The following SP2 variants were observed in gnomAD, a reference collection of about 807,000 sequenced individuals.
The protein encoded by SP2 is transcription factor Sp2.
In SP2, 9 loss-of-function variants were observed where a neutral mutation model predicts 50.1. The observed-to-expected ratio is 0.18, with a 90% confidence interval of 0.11 to 0.31. The LOEUF (loss-of-function observed/expected upper bound fraction) is 0.31, where lower values mean the gene tolerates loss of function less well. Among genes scored for constraint, SP2 ranks in the 10% least tolerant of loss-of-function variants. The probability of loss-of-function intolerance (pLI) is 1.00; values close to 1 mark genes in which losing one functional copy is unlikely to be tolerated. For missense variants in SP2, 581 were observed against 806.5 expected (o/e 0.72, Z 3.39); for synonymous variants, 313 against 326.6 (o/e 0.96, Z 0.45).
intron 1 of SP2, among the ~76,000 whole-genome samples, chr17:47,913,264 C>T (rs945458630): frequency 6.6e-6 from 1 of 151,882 alleles, no homozygotes; most frequent in Non-Finnish European, 1.5e-5. Flanking sequence ...GTTGCCCAGG[C>T]AGGAGTGTTT....
rs989205031 is a variant in SP2 at position 47,923,947 on chromosome 17, G to A, written c.1372+673G>A. Among the ~76,000 whole-genome samples, 9 of 151,774 alleles carry A rather than the reference G, an allele frequency of 5.9e-5. No homozygotes were observed. The South Asian group carries it at 6.2e-4, about 11-fold the overall frequency. Reference sequence around the variant, plus strand: ...GAACTCCTGACCTGGTGATCCATCCGCCTCAGCCTCCCAAAATGCTGGGAT... The same window carrying A: ...GAACTCCTGACCTGGTGATCCATCCACCTCAGCCTCCCAAAATGCTGGGAT... On this transcript the variant is annotated intron_variant, in intron 4 of 6. Coordinates refer to ENST00000376741, the MANE Select transcript of SP2 (RefSeq NM_003110.6).
intron 3 of SP2, among the ~76,000 whole-genome samples, chr17:47,920,450 C>T (rs2035406683): frequency 6.6e-6 from 1 of 152,116 alleles, no homozygotes; most frequent in African/African-American, 2.4e-5. Context: ...CCATGCCCAG[C>T]TGATTTTTTG....
intron 1 of SP2, among the ~76,000 whole-genome samples, chr17:47,905,520 C>T (rs55749413): frequency 6.6e-6 from 1 of 152,206 alleles, no homozygotes; most frequent in East Asian, 1.9e-4. Flanking sequence ...AAAAAGCTTC[C>T]TAAAGCCTAC....
intron 1 of SP2, among the ~76,000 whole-genome samples, chr17:47,911,512 A>G (rs1050141013): frequency 2.6e-5 from 4 of 151,724 alleles, no homozygotes; most frequent in Non-Finnish European, 5.9e-5. Flanking sequence ...ATCTCAAAAA[A>G]AAAAAAAAAA....
At chr17:47,919,613 T>C (rs1295218467) in intron 3 of SP2, among the ~76,000 whole-genome samples, 1 of 152,062 alleles carries the variant, frequency 6.6e-6, no homozygotes, top group African/African-American at 2.4e-5. Context: ...CTGAACGCTT[T>C]AATTCCTACA....
chr17:47,917,816 C>A, intron 3 of SP2: 1 of 437,136 alleles, frequency 2.3e-6, no homozygotes. Flanking sequence ...CTGAATTCAA[C>A]AAGAATGTTC....
At chr17:47,930,476 C>G (rs929498984), downstream of SP2, among the ~76,000 whole-genome samples, 1 of 152,168 alleles carries the variant, frequency 6.6e-6, no homozygotes, top group Non-Finnish European at 1.5e-5. Flanking sequence ...TAGGATTTCC[C>G]TTCTCCAGTG....
At chr17:47,911,691 A>G (rs905465807) in intron 1 of SP2, among the ~76,000 whole-genome samples, 1 of 151,626 alleles carries the variant, frequency 6.6e-6, no homozygotes, top group Non-Finnish European at 1.5e-5. Context: ...CTGTAGTCCC[A>G]CTACTTGGGA....
At position 47,924,955 on chromosome 17, in the gene SP2, A is replaced by G; in HGVS notation, c.1409A>G (p.Asn470Ser). 2 of 1,611,830 alleles carry G rather than the reference A, an allele frequency of 1.2e-6. No homozygotes were observed. The highest frequency in any genetic ancestry group is 1.1e-5 in the South Asian group (1 of 90,910). The stretch of plus-strand genomic sequence containing the variant: ...CTGACAGTGCAGAATGTTTCTGGGA[A>G]CAACCTGACCATCAGTGGGCTGAGC... ...QQLTVQNVSG[N>S]NLTISGLSPT... Residue 470 changes from asparagine to serine, a missense_variant, in exon 5 of 7, where the codon AAC (asparagine) becomes AGC (serine). Around this residue, in one of 2 missense-constraint regions of SP2, gnomAD observed 184 missense variants for 315.5 expected, o/e 0.58. Transcript: ENST00000376741.
chr17:47,909,395 G>C (rs2034892896), intron 1 of SP2, among the ~76,000 whole-genome samples: 1 of 152,016 alleles, frequency 6.6e-6, no homozygotes, highest in African/African-American at 2.4e-5. Context: ...GCATGTGATT[G>C]GTTTTTTAAC....
At chr17:47,925,218 C>A in intron 5 of SP2, 125 bp downstream of exon 5, 2 of 1,427,038 alleles carry the variant, frequency 1.4e-6, no homozygotes, top group East Asian at 2.3e-5. Flanking sequence ...TCTGTGCCAC[C>A]TTGCCCCCTG....
downstream of SP2, among the ~76,000 whole-genome samples, chr17:47,929,150 GC>G (rs987984186): frequency 2.6e-5 from 4 of 152,224 alleles, no homozygotes; most frequent in Non-Finnish European, 5.9e-5. Flanking sequence ...ACTGGCACGA[GC>G]CCCCAGAGCA....
rs762740159 is a variant in SP2 at position 47,925,391 on chromosome 17, G to A, written c.1591G>A (p.Asp531Asn). The change falls in exon 6 of 7, where the codon GAC becomes AAC. Residue 531 changes from aspartate (D) to asparagine (N), a missense_variant. By Grantham distance (23) the Asp-to-Asn change is conservative (BLOSUM62 1). Transcript: ENST00000376741. ...GKKKHVCHIP[D>N]CGKTFRKTSL... ...GAAGAAGCACGTGTGCCACATCCCC[G>A]ACTGTGGCAAGACGTTCCGTAAGAC... The A allele has an allele frequency of 6.2e-6, 10 of 1,614,150 alleles. No individual in the cohort carries two copies. Among genetic ancestry groups the A allele is most frequent in the South Asian group, 2.2e-5 (2 of 91,072 alleles).
At position 47,926,919 on chromosome 17, in the gene SP2, C is replaced by T. The variant is rs377399076; in HGVS notation, c.1742-805C>T. ...CTGAGGGAAGCGTGACCCAGAGCTC[C>T]GGCTCCTGGCCAGTGTGGTGGGACA... On this transcript the variant is annotated intron_variant, in intron 6 of 6. Transcript: ENST00000376741. Among the ~76,000 whole-genome samples the T allele has an allele frequency of 2.2e-3, 332 of 152,348 alleles. 2 individuals carry two copies. Among genetic ancestry groups the T allele is most frequent in the African/African-American group, 7.6e-3 (317 of 41,576 alleles).
chr17:47,909,442 A>G (rs961168660), intron 1 of SP2, among the ~76,000 whole-genome samples: 1 of 152,056 alleles, frequency 6.6e-6, no homozygotes, highest in Non-Finnish European at 1.5e-5. Context: ...TATACAGACA[A>G]GGTTTCACCA....
chr17:47,923,751 A>AT (rs548605867), intron 4 of SP2, among the ~76,000 whole-genome samples: 24 of 150,628 alleles, frequency 1.6e-4, no homozygotes, highest in African/African-American at 3.2e-4. Flanking sequence ...TCCTTAATGA[A>AT]TTTTTTTTTT....
chr17:47,924,078 A>G (rs1195370163), intron 4 of SP2, among the ~76,000 whole-genome samples: 1 of 151,172 alleles, frequency 6.6e-6, no homozygotes, highest in Non-Finnish European at 1.5e-5. Context: ...AAGGCATCCT[A>G]GAGGATCTGA....
chr17:47,919,030 C>T (rs1356885623), intron 3 of SP2, among the ~76,000 whole-genome samples: 1 of 151,622 alleles, frequency 6.6e-6, no homozygotes, highest in Admixed American at 6.6e-5. Flanking sequence ...TGCACGCATA[C>T]ACACACACAC....
Position 47,916,326 on chromosome 17 carries a change from A to C in SP2, c.255A>C (p.Gly85=). ...TCAGCCCCGGCAAGAATAGCTTTGG[A>C]ATCTTGTCCTCCAAAGGAAATATAC... ...LPLSPGKNSF[G]ILSSKGNILQ... is the part of the protein sequence containing the mutation. Residue 85 remains glycine (G), a synonymous_variant, in exon 3 of 7, where the codon GGA becomes GGC. Transcript: ENST00000376741. This position sits in a 1 kb window ranked among gnomAD's most constrained non-coding sequence, Gnocchi z 4.7. 1.9e-6 allele frequency: 3 copies of C among 1,614,122 alleles called. No homozygotes were observed. The highest frequency in any genetic ancestry group is 2.5e-6 in the Non-Finnish European group (3 of 1,180,028).
Sources: allele counts gnomAD v4.1 joint callset (sites outside exome capture counted in the v4.1 genomes callset), GRCh38; gene constraint gnomAD v4.1.1; regional missense constraint gnomAD v4.1.1; non-coding constraint Gnocchi (gnomAD v3.1); transcripts MANE v1.5; gene names NCBI Gene and HGNC (gene_info 2026-07-23, HGNC 2026-07-21).